Variants in PTPRN2 observed in about 807,000 individuals in gnomAD.
PTPRN2 encodes the protein receptor-type tyrosine-protein phosphatase N2.
Under a neutral mutation model 118.8 loss-of-function variants are expected in PTPRN2, and 74 were observed. That is an observed-to-expected ratio of 0.62 (90% CI 0.52 to 0.76). PTPRN2 has a LOEUF of 0.76. PTPRN2 is among the 30% of genes least tolerant of loss of function. The pLI, the probability that PTPRN2 is intolerant of heterozygous loss-of-function variation, is 0.00. For synonymous variants in PTPRN2, 641 were observed against 608.0 expected (o/e 1.05, Z -0.80); for missense variants, 1,481 against 1,394.4 (o/e 1.06, Z -0.99).
At chr7:158,308,903 A>T (rs1205133748) in intron 3 of PTPRN2, among the ~76,000 whole-genome samples, 2 of 152,274 alleles carry the variant, frequency 1.3e-5, no homozygotes, top group African/African-American at 4.8e-5. Context: ...TCCTATGAAG[A>T]CATGAACTAC....
chr7:158,340,677 CTCTCACCATAAGAGGTGAAACCTGCAG>C (rs1806558722), intron 2 of PTPRN2, among the ~76,000 whole-genome samples: 1 of 96,312 alleles, frequency 1.0e-5, no homozygotes, highest in African/African-American at 3.8e-5. Context: ...CACACCCACA[CTCTCACCATAAGAGGTGAAACCTGCAG>C]ACGTCACTCA....
chr7:158,266,689 A>T (rs139828378), intron 3 of PTPRN2, among the ~76,000 whole-genome samples: 2 of 152,306 alleles, frequency 1.3e-5, no homozygotes, highest in East Asian at 3.9e-4. Context: ...GGGCAGAGAG[A>T]CGAGAGCCAC....
intron 9 of PTPRN2, among the ~76,000 whole-genome samples, chr7:158,128,744 G>A (rs1324219964): frequency 6.6e-6 from 1 of 152,040 alleles, no homozygotes; most frequent in Non-Finnish European, 1.5e-5. Context: ...GCATCCATTT[G>A]GAAAGCCCTT....
At position 157,809,716 on chromosome 7, in the gene PTPRN2, C is replaced by T. The variant is rs116052793; in HGVS notation, c.1788+88957G>A. Among the ~76,000 whole-genome samples, 1,229 of 152,262 alleles carry T rather than the reference C, an allele frequency of 8.1e-3. 19 individuals are homozygous for T. Among genetic ancestry groups the T allele is most frequent in the African/African-American group, 0.027 (1,133 of 41,520 alleles). On this transcript the variant is annotated intron_variant, in intron 12 of 22. Transcript: ENST00000389418. Reference sequence around the variant, plus strand: ...TTGCCAGGAGCCACAGAGAGTCGCCCGAGAGCTTCCTGAGCACGTGGCCCT... The same window carrying T: ...TTGCCAGGAGCCACAGAGAGTCGCCTGAGAGCTTCCTGAGCACGTGGCCCT...
At position 157,868,732 on chromosome 7, in the gene PTPRN2, A is replaced by C. The variant is rs1810873618; in HGVS notation, c.1788+29941T>G. The C allele has an allele frequency of 1.3e-5, 2 of 152,184 alleles. No homozygotes were observed. The highest frequency in any genetic ancestry group is 4.2e-4 in the South Asian group (2 of 4,790). 9.4% of individuals were successfully genotyped at this position (152,184 alleles called of 1,614,324 possible). The stretch of plus-strand genomic sequence containing the variant: ...ATCCACTCAACAGCGGTCGTTCTTC[A>C]TTGTATTGTGAGCTCCCTCTGGGCT... On this transcript the variant is annotated intron_variant, in intron 12 of 22. Coordinates refer to ENST00000389418, the MANE Select transcript of PTPRN2 (RefSeq NM_002847.5). This position sits in a 1 kb window ranked among gnomAD's most constrained non-coding sequence, Gnocchi z 5.2.
chr7:158,395,059 G>A (rs888138844), intron 2 of PTPRN2, among the ~76,000 whole-genome samples: 1 of 152,160 alleles, frequency 6.6e-6, no homozygotes, highest in African/African-American at 2.4e-5. Context: ...CTGAGTCTTT[G>A]CCAAGCACGA....
intron 6 of PTPRN2, among the ~76,000 whole-genome samples, chr7:158,150,140 C>G (rs1046272503): frequency 6.6e-6 from 1 of 152,184 alleles, no homozygotes; most frequent in Non-Finnish European, 1.5e-5. Context: ...TGGCCGGCAA[C>G]AATGCTGTTC....
Position 158,574,272 on chromosome 7 carries a change from A to G in PTPRN2, c.112+13286T>C, listed in dbSNP as rs1475078632. On this transcript the variant is annotated intron_variant, in intron 1 of 22. Transcript: ENST00000389418. This position sits in a 1 kb window ranked among gnomAD's most constrained non-coding sequence, Gnocchi z 4.6. ...CTAAAATGTTATTAATCACATTAAT[A>G]AAAATTTTAGTGAATACAAAGAAGT... Among the ~76,000 whole-genome samples the G allele has an allele frequency of 6.6e-6, 1 of 152,262 alleles. No individual in the cohort carries two copies. Among genetic ancestry groups the G allele is most frequent in the Non-Finnish European group, 1.5e-5 (1 of 68,048 alleles).
chr7:157,972,816 G>A (rs200345746), intron 11 of PTPRN2, among the ~76,000 whole-genome samples: 3 of 66,674 alleles, frequency 4.5e-5, no homozygotes, highest in African/African-American at 6.0e-5. Context: ...TTCAGAGACC[G>A]CAGAAACTCC....
At chr7:157,786,809 A>G (rs1585464312) in intron 12 of PTPRN2, among the ~76,000 whole-genome samples, 1 of 152,284 alleles carries the variant, frequency 6.6e-6, no homozygotes, top group East Asian at 1.9e-4. Flanking sequence ...CTGTGGTTTC[A>G]TCATCAGGTG....
intron 2 of PTPRN2, among the ~76,000 whole-genome samples, chr7:158,394,607 C>T (rs1171192760): frequency 1.3e-5 from 2 of 152,242 alleles, no homozygotes; most frequent in African/African-American, 2.4e-5. Context: ...GTCCATCCCC[C>T]CAGGCGCAGA....
chr7:158,440,888 A>C (rs1325641035), intron 2 of PTPRN2, among the ~76,000 whole-genome samples: 4 of 81,588 alleles, frequency 4.9e-5, no homozygotes, highest in Non-Finnish European at 9.9e-5. Context: ...GTGGTGGTGA[A>C]GGTGGTGGTG....
chr7:157,657,430 A>C (rs1277607608), intron 13 of PTPRN2, among the ~76,000 whole-genome samples: 9 of 7,796 alleles, frequency 1.2e-3, no homozygotes, highest in South Asian at 2.3e-3. Context: ...CACATACGCC[A>C]CACACACACA....
At chr7:158,450,044 T>A (rs541276404) in intron 2 of PTPRN2, among the ~76,000 whole-genome samples, 61 of 152,326 alleles carry the variant, frequency 4.0e-4, no homozygotes, top group African/African-American at 1.4e-3. Flanking sequence ...CAGCACAGTC[T>A]GCTCTGGTGA....
chr7:158,333,729 C>T (rs1804977204), intron 2 of PTPRN2, among the ~76,000 whole-genome samples: 1 of 149,952 alleles, frequency 6.7e-6, no homozygotes, highest in Non-Finnish European at 1.5e-5. Context: ...ACAGAGGTCA[C>T]TCACACACAT....
rs544313311 is a variant in PTPRN2, at chr7:158,127,412, C to T, written c.1556+6265G>A. Among the ~76,000 whole-genome samples the T allele has an allele frequency of 1.1e-4, 16 of 152,178 alleles. No individual in the cohort carries two copies. The East Asian group carries it at 1.9e-3, about 18-fold the overall frequency. ...TCCACAGTCCAGGAGCCACACACTGCGGCTGCCACTCCAGAGACCAGGAAA... is the reference window on the plus strand; with the variant it reads ...TCCACAGTCCAGGAGCCACACACTGTGGCTGCCACTCCAGAGACCAGGAAA... On this transcript the variant is annotated intron_variant, in intron 9 of 22. Coordinates refer to ENST00000389418, the MANE Select transcript of PTPRN2 (RefSeq NM_002847.5).
intron 12 of PTPRN2, among the ~76,000 whole-genome samples, chr7:157,688,305 A>G (rs1410945509): frequency 6.6e-6 from 1 of 152,232 alleles, no homozygotes; most frequent in Non-Finnish European, 1.5e-5. Flanking sequence ...TTAAAGAAAT[A>G]CTGTGTTTTA....
rs532899538 is a variant in PTPRN2, at chr7:157,874,948, GAC to G, written c.1788+23723_1788+23724del. On this transcript the variant is annotated intron_variant, in intron 12 of 22. Coordinates refer to ENST00000389418, the MANE Select transcript of PTPRN2 (RefSeq NM_002847.5). The surrounding 1 kb of genome is among the most constrained non-coding windows in gnomAD (Gnocchi z 5.8). ...ACACAGAGAAACACTTGTGCACGGA[GAC>G]ACACTTGTGCACATACACAGAGACA... Among the ~76,000 whole-genome samples, 152 of 151,860 alleles carry G rather than the reference GAC, an allele frequency of 1.0e-3. No individual in the cohort carries two copies. Among genetic ancestry groups the G allele is most frequent in the African/African-American group, 3.5e-3 (145 of 41,390 alleles).
chr7:158,095,120 T>C (rs2150330915), intron 10 of PTPRN2, among the ~76,000 whole-genome samples: 1 of 151,844 alleles, frequency 6.6e-6, no homozygotes, highest in South Asian at 2.1e-4. Context: ...AGGAGGTGAG[T>C]CCTGAATAAC....
Sources: gnomAD v4.1 joint callset for allele counts (sites outside exome capture counted in the v4.1 genomes callset) on GRCh38, gnomAD v4.1.1 for gene constraint, Gnocchi (gnomAD v3.1) non-coding constraint, MANE v1.5 for transcripts, NCBI Gene and HGNC (gene_info 2026-07-23, HGNC 2026-07-21) for gene names.